The following REEP3 variants were observed in gnomAD, a reference collection of about 807,000 sequenced individuals.
REEP3 encodes receptor accessory protein 3.
REEP3 carries 20 observed loss-of-function variants against 41.3 expected under a neutral mutation model. The ratio of observed to expected loss-of-function variants is 0.48; its 90% CI spans 0.34 to 0.70. The LOEUF (loss-of-function observed/expected upper bound fraction) is 0.70. Among genes scored for constraint, REEP3 ranks in the 30% least tolerant of loss-of-function variants. The pLI is 0.01. For synonymous variants in REEP3, 104 were observed against 101.8 expected (o/e 1.02, Z -0.13); for missense variants, 271 against 308.8 (o/e 0.88, Z 0.92).
At chr10:63,544,528 G>C (rs910437764) in intron 1 of REEP3, among the ~76,000 whole-genome samples, 2 of 152,158 alleles carry the variant, frequency 1.3e-5, no homozygotes, top group Non-Finnish European at 2.9e-5. Context: ...TTTCTGGCTT[G>C]GATCCTTGAG....
intron 2 of REEP3, among the ~76,000 whole-genome samples, chr10:63,568,153 G>C (rs1482844633): frequency 6.6e-6 from 1 of 151,984 alleles, no homozygotes; most frequent in Non-Finnish European, 1.5e-5. Context: ...TTGTTTTATA[G>C]TGCTGGCATA....
chr10:63,597,876 G>A, intron 3 of REEP3, 148 bp from the exon 4 acceptor site: 1 of 557,000 alleles, frequency 1.8e-6, no homozygotes. Flanking sequence ...TGGTGCCATT[G>A]CACTCAGATG....
intron 1 of REEP3, among the ~76,000 whole-genome samples, chr10:63,550,165 T>A (rs932523159): frequency 1.3e-5 from 2 of 152,216 alleles, no homozygotes; most frequent in Non-Finnish European, 2.9e-5. Context: ...GATGGATGCA[T>A]GTATTCTCAC....
rs117584603 is a variant in REEP3 at position 63,585,959 on chromosome 10, G to A, written c.106-8819G>A. ...TTGTTTGCTTTATTTGTTTATCCTG[G>A]GATCTAAATCAATTTCATAAAAGTT... On this transcript the variant is annotated intron_variant, in intron 2 of 7. Coordinates refer to ENST00000373758, the MANE Select transcript of REEP3 (RefSeq NM_001001330.3). Among the ~76,000 whole-genome samples the A allele has an allele frequency of 6.3e-3, 955 of 152,058 alleles. 3 individuals carry two copies. The highest frequency in any genetic ancestry group is 0.011 in the Admixed American group (171 of 15,272).
intron 5 of REEP3, among the ~76,000 whole-genome samples, chr10:63,606,767 G>A (rs1956232624): frequency 6.6e-6 from 1 of 152,104 alleles, no homozygotes; most frequent in Non-Finnish European, 1.5e-5. Context: ...GTGAGAAATG[G>A]ATTGGAAATT....
intron 2 of REEP3, among the ~76,000 whole-genome samples, chr10:63,573,390 G>A (rs768505402): frequency 2.0e-5 from 3 of 152,160 alleles, no homozygotes; most frequent in Non-Finnish European, 4.4e-5. Flanking sequence ...CTTGAAAATA[G>A]AGTGTTTACT....
At chr10:63,538,550 A>G (rs1259631861) in intron 1 of REEP3, among the ~76,000 whole-genome samples, 1 of 152,140 alleles carries the variant, frequency 6.6e-6, no homozygotes, top group Non-Finnish European at 1.5e-5. Context: ...CCTGGCCAAC[A>G]TGGCAAAACC....
At chr10:63,580,603 G>A (rs1001839183) in intron 2 of REEP3, among the ~76,000 whole-genome samples, 2 of 151,992 alleles carry the variant, frequency 1.3e-5, no homozygotes, top group African/African-American at 4.8e-5. Flanking sequence ...ATAAACACTT[G>A]AAATAACTAA....
chr10:63,545,693 T>TTG (rs1166151977), intron 1 of REEP3, among the ~76,000 whole-genome samples: 2 of 142,234 alleles, frequency 1.4e-5, no homozygotes, highest in African/African-American at 5.3e-5. Context: ...TTTTTTTTTT[T>TTG]TTTTTTTTTT....
At chr10:63,528,486 T>TTGTAGATGCCAC (rs1368978085) in intron 1 of REEP3, among the ~76,000 whole-genome samples, 3 of 152,186 alleles carry the variant, frequency 2.0e-5, no homozygotes, top group Non-Finnish European at 4.4e-5. Context: ...CTGAAATGTG[T>TTGTAGATGCCAC]TGTAGTGGCA....
At chr10:63,544,934 A>G (rs1292274463) in intron 1 of REEP3, among the ~76,000 whole-genome samples, 1 of 152,222 alleles carries the variant, frequency 6.6e-6, no homozygotes, top group Non-Finnish European at 1.5e-5. Flanking sequence ...TTTGATTTAT[A>G]TAGCTCTTCT....
At chr10:63,542,085 G>GTTTT (rs56908733) in intron 1 of REEP3, among the ~76,000 whole-genome samples, 6 of 145,140 alleles carry the variant, frequency 4.1e-5, no homozygotes, top group Non-Finnish European at 9.0e-5. Context: ...TTTTGTTTTT[G>GTTTT]TTTTTTTTTT....
intron 2 of REEP3, 60 bp from the exon 3 acceptor site, chr10:63,594,715 ATAT>A: frequency 1.0e-6 from 1 of 963,848 alleles, no homozygotes. Flanking sequence ...ACATACATAC[ATAT>A]TATTCAGAGT....
chr10:63,567,487 G>C (rs957359496), intron 2 of REEP3, among the ~76,000 whole-genome samples: 1 of 152,002 alleles, frequency 6.6e-6, no homozygotes, highest in Admixed American at 6.6e-5. Flanking sequence ...AGGTTCATAC[G>C]TATCTTAGTA....
Position 63,594,676 on chromosome 10 carries a change from T to C in REEP3, c.106-102T>C, listed in dbSNP as rs1202694406. ...TGTATCCAGAAATACATACATAATA[T>C]GAAATTATTATGAAATCCAGAAATA... is the stretch of plus-strand genomic sequence containing the variant. On this transcript the variant is annotated intron_variant, in intron 2 of 7. Transcript: ENST00000373758. The C allele has an allele frequency of 7.8e-6, 6 of 765,884 alleles. No individual in the cohort carries two copies. The Admixed American group carries it at 1.1e-4, about 14-fold the overall frequency. 47.4% of individuals were successfully genotyped at this position (765,884 alleles called of 1,614,324 possible). A position where few individuals can be genotyped will look rare whatever the true frequency, so the allele number is the denominator to read the frequency against.
chr10:63,537,923 C>T (rs1002606719), intron 1 of REEP3, among the ~76,000 whole-genome samples: 11 of 152,070 alleles, frequency 7.2e-5, no homozygotes, highest in African/African-American at 2.7e-4. Context: ...TCTGGAGGTA[C>T]ATACATAGAT....
chr10:63,590,678 G>A (rs1389220218), intron 2 of REEP3, among the ~76,000 whole-genome samples: 1 of 152,110 alleles, frequency 6.6e-6, no homozygotes, highest in East Asian at 1.9e-4. Context: ...TGCACCACTG[G>A]GAATGGGGGA....
At chr10:63,584,271 G>A (rs976797174) in intron 2 of REEP3, among the ~76,000 whole-genome samples, 11 of 151,990 alleles carry the variant, frequency 7.2e-5, no homozygotes, top group African/African-American at 2.4e-4. Context: ...TGCCAGTTCC[G>A]CATCTGAAAG....
intron 2 of REEP3, among the ~76,000 whole-genome samples, chr10:63,575,299 C>T (rs1380089361): frequency 6.6e-6 from 1 of 152,172 alleles, no homozygotes; most frequent in African/African-American, 2.4e-5. Flanking sequence ...TCTCCCCATT[C>T]AGGAAGCTTG....
Sources: allele counts gnomAD v4.1 joint callset (sites outside exome capture counted in the v4.1 genomes callset), GRCh38; gene constraint gnomAD v4.1.1; transcripts MANE v1.5; gene names NCBI Gene and HGNC (gene_info 2026-07-23, HGNC 2026-07-21).